Variants in SOX6 observed in about 807,000 individuals in gnomAD.
SOX6 encodes the protein SRY-box transcription factor 6, also known as transcription factor SOX-6.
Under a neutral mutation model 97.8 loss-of-function variants are expected in SOX6, and 11 were observed. The observed-to-expected ratio is 0.11, with a 90% CI of 0.07 to 0.19. The LOEUF (loss-of-function observed/expected upper bound fraction) is 0.19, where lower values mean the gene tolerates loss of function less well. Among genes scored for constraint, SOX6 ranks in the 10% least tolerant of loss-of-function variants. SOX6 has a pLI of 1.00. For synonymous variants in SOX6, 360 were observed against 371.4 expected, an observed-to-expected ratio of 0.97 and a Z score of 0.35; for missense variants, 810 against 1,039.5, an observed-to-expected ratio of 0.78 and a Z score of 3.04.
intron 1 of SOX6, among the ~76,000 whole-genome samples, chr11:16,439,603 T>C (rs896184898): frequency 6.6e-6 from 1 of 152,210 alleles, no homozygotes; most frequent in Non-Finnish European, 1.5e-5. Context: ...AAAAAATGGC[T>C]TTAATCCTTT....
intron 1 of SOX6, chr11:16,738,414 C>A (rs934761688): frequency 1.3e-5 from 4 of 298,168 alleles, no homozygotes; most frequent in African/African-American, 2.1e-5. Context: ...AAGCTCTCGG[C>A]CAACGCTCAC....
chr11:15,993,951 C>T (rs554773973), intron 13 of SOX6, among the ~76,000 whole-genome samples: 4 of 152,270 alleles, frequency 2.6e-5, no homozygotes, highest in Non-Finnish European at 5.9e-5. Context: ...GCCTGGTGCA[C>T]ATATAAAGTT....
intron 4 of SOX6, among the ~76,000 whole-genome samples, chr11:16,226,346 T>C (rs966825588): frequency 4.6e-5 from 7 of 151,718 alleles, no homozygotes; most frequent in Non-Finnish European, 7.4e-5. Context: ...TGTTTTTTTT[T>C]TCTCTCTTAT....
chr11:16,637,486 T>A (rs1848807971), intron 3 of SOX6, among the ~76,000 whole-genome samples: 1 of 152,236 alleles, frequency 6.6e-6, no homozygotes, highest in African/African-American at 2.4e-5. Flanking sequence ...CCCAAAGTGC[T>A]GGGATTACAG....
intron 4 of SOX6, chr11:16,567,181 G>A (rs1478774205): frequency 6.6e-6 from 1 of 152,206 alleles, no homozygotes; most frequent in Non-Finnish European, 1.5e-5. Context: ...AAAATGTGTG[G>A]TGGGCTTATT....
chr11:15,992,180 C>T (rs923249443), intron 13 of SOX6, among the ~76,000 whole-genome samples: 1 of 152,168 alleles, frequency 6.6e-6, no homozygotes, highest in African/African-American at 2.4e-5. Flanking sequence ...TTTCTGGTCA[C>T]CTCTTCTGTC....
intron 4 of SOX6, among the ~76,000 whole-genome samples, chr11:16,591,194 A>G (rs1447534561): frequency 6.6e-6 from 1 of 152,148 alleles, no homozygotes; most frequent in Non-Finnish European, 1.5e-5. Context: ...TTCACTGCTT[A>G]TATTATGGTA....
chr11:16,383,728 G>A (rs557353586), intron 1 of SOX6, among the ~76,000 whole-genome samples: 1 of 152,086 alleles, frequency 6.6e-6, no homozygotes, highest in Admixed American at 6.5e-5. Flanking sequence ...CATTAGTGCT[G>A]TACAACAAAA....
intron 1 of SOX6, among the ~76,000 whole-genome samples, chr11:16,387,598 T>C (rs1858028891): frequency 6.6e-6 from 1 of 152,120 alleles, no homozygotes; most frequent in Non-Finnish European, 1.5e-5. Flanking sequence ...AAATGGCCTT[T>C]GTTATGACAG....
chr11:16,361,591 G>A (rs1244308145), intron 1 of SOX6, among the ~76,000 whole-genome samples: 1 of 152,126 alleles, frequency 6.6e-6, no homozygotes, highest in African/African-American at 2.4e-5. Flanking sequence ...CACCAAATTA[G>A]ATAGCATACC....
At chr11:16,621,374 C>T (rs1848543391) in intron 3 of SOX6, among the ~76,000 whole-genome samples, 1 of 152,184 alleles carries the variant, frequency 6.6e-6, no homozygotes, top group Non-Finnish European at 1.5e-5. Context: ...ATGGTATCTG[C>T]ATTCCATGAG....
intron 12 of SOX6, among the ~76,000 whole-genome samples, chr11:16,039,574 C>A (rs145939552): frequency 3.9e-5 from 6 of 152,008 alleles, no homozygotes; most frequent in Non-Finnish European, 7.4e-5. Context: ...ATGGAGATTT[C>A]CAGAAACTAC....
At chr11:16,264,157 C>A (rs528460979) in intron 3 of SOX6, among the ~76,000 whole-genome samples, 94 of 151,886 alleles carry the variant, frequency 6.2e-4, no homozygotes, top group Non-Finnish European at 1.2e-3. Context: ...AACTACTAAT[C>A]CCCATCCCAT....
Position 16,373,871 on chromosome 11 carries a change from GGA to G in SOX6, c.-4-32621_-4-32620del, listed in dbSNP as rs1590167812. On this transcript the variant is annotated intron_variant, in intron 1 of 15. Coordinates refer to the SOX6 transcript ENST00000396356. ...AGGAAGGAAGGAAGGAAGGAAGGAA[GGA>G]AGGAAGGAAGGAAGGGAGGGAGGGA... is the stretch of plus-strand genomic sequence containing the variant. Among the ~76,000 whole-genome samples the G allele has an allele frequency of 4.5e-4, 9 of 20,192 alleles. No individual in the cohort carries two copies. In the South Asian group the frequency reaches 0.01, roughly 23 times the overall value. 13.2% of individuals were successfully genotyped at this position (20,192 alleles called of 152,430 possible).
intron 4 of SOX6, among the ~76,000 whole-genome samples, chr11:16,611,857 C>T (rs1455887278): frequency 7.9e-5 from 12 of 152,150 alleles, no homozygotes; most frequent in South Asian, 6.2e-4. Context: ...GCGACAGTAG[C>T]GGCAGAGCAC....
chr11:16,634,103 A>G (rs1848749726), intron 3 of SOX6, among the ~76,000 whole-genome samples: 1 of 152,202 alleles, frequency 6.6e-6, no homozygotes, highest in Non-Finnish European at 1.5e-5. Flanking sequence ...CTGCTATTAT[A>G]AATATGCTTA....
chr11:16,628,626 AAAAAAAAAAGAAAG>A (rs1848659526), intron 3 of SOX6, among the ~76,000 whole-genome samples: 1 of 151,916 alleles, frequency 6.6e-6, no homozygotes, highest in South Asian at 2.1e-4. Flanking sequence ...ATCTCAAAAA[AAAAAAAAAAGAAAG>A]AAAAGAAAAG....
chr11:16,602,280 G>A (rs1207119942), intron 4 of SOX6, among the ~76,000 whole-genome samples: 1 of 152,122 alleles, frequency 6.6e-6, no homozygotes, highest in African/African-American at 2.4e-5. Flanking sequence ...ACGAGGTGTT[G>A]GTGATACATG....
chr11:16,541,780 G>T (rs1160905035), intron 4 of SOX6, among the ~76,000 whole-genome samples: 3 of 152,190 alleles, frequency 2.0e-5, no homozygotes, highest in Admixed American at 2.0e-4. Flanking sequence ...TCTCACACCA[G>T]TTAGAATGGT....
Sources: gnomAD v4.1 joint callset for allele counts (sites outside exome capture counted in the v4.1 genomes callset) on GRCh38, gnomAD v4.1.1 for gene constraint, MANE v1.5 for transcripts, NCBI Gene and HGNC (gene_info 2026-07-23, HGNC 2026-07-21) for gene names.